Variants in RASAL2 observed in about 807,000 individuals in gnomAD.
RASAL2 encodes ras GTPase-activating protein nGAP.
A neutral mutation model predicts 128.9 loss-of-function variants in RASAL2; 58 were observed. That is an observed-to-expected ratio of 0.45 (90% CI 0.36 to 0.56). The LOEUF (loss-of-function observed/expected upper bound fraction) is 0.56, where lower values mean the gene tolerates loss of function less well. RASAL2 is among the 20% of genes least tolerant of loss of function. RASAL2 has a pLI of 0.00. For missense variants in RASAL2, 1,360 were observed against 1,601.6 expected (o/e 0.85, Z 2.57); for synonymous variants, 561 against 580.8 (o/e 0.97, Z 0.49).
intron 3 of RASAL2, among the ~76,000 whole-genome samples, chr1:178,377,853 G>A (rs1226603989): frequency 2.0e-5 from 3 of 151,984 alleles, no homozygotes; most frequent in Non-Finnish European, 4.4e-5. Context: ...TAGAAATCGT[G>A]ATTAACTTTA....
chr1:178,371,731 T>C (rs1671730501), intron 3 of RASAL2, among the ~76,000 whole-genome samples: 1 of 152,194 alleles, frequency 6.6e-6, no homozygotes, highest in Non-Finnish European at 1.5e-5. Context: ...TTTGAAAACC[T>C]TTCTCCTCAA....
chr1:178,271,231 C>T (rs1249388759), intron 1 of RASAL2, among the ~76,000 whole-genome samples: 1 of 152,148 alleles, frequency 6.6e-6, no homozygotes, highest in African/African-American at 2.4e-5. Context: ...CTTAGCTTTT[C>T]TCATTCTTAA....
intron 4 of RASAL2, among the ~76,000 whole-genome samples, chr1:178,410,425 A>C (rs1674287380): frequency 6.6e-6 from 1 of 152,188 alleles, no homozygotes; most frequent in African/African-American, 2.4e-5. Context: ...GAATTCTAGA[A>C]GATAACATCG....
In RASAL2 at chr1:178,466,084, G is replaced by A. The variant is rs1314243997; in HGVS notation, c.3552G>A (p.Gln1184=). ...GCGAGGAGCGGCTCCGAAGACAGCAGGAAGAAAAAGATAGCCAGATGAAAA... is the reference window on the plus strand; with the variant it reads ...GCGAGGAGCGGCTCCGAAGACAGCAAGAAGAAAAAGATAGCCAGATGAAAA... ...EDSEERLRRQ[Q]EEKDSQMKSI... is the part of the protein sequence containing the mutation. Residue 1184 remains glutamine (Q), a synonymous_variant, in exon 16 of 18, where the codon CAG becomes CAA. Coordinates refer to ENST00000367649, the MANE Select transcript of RASAL2 (RefSeq NM_170692.4). 6.3e-7 allele frequency: 1 copy of A among 1,576,188 alleles called. No homozygotes were observed. The highest frequency in any genetic ancestry group is 8.6e-7 in the Non-Finnish European group (1 of 1,159,662).
At chr1:178,416,695 A>G (rs1360901870) in intron 4 of RASAL2, among the ~76,000 whole-genome samples, 1 of 151,838 alleles carries the variant, frequency 6.6e-6, no homozygotes, top group East Asian at 1.9e-4. Context: ...AGAAAGCTTT[A>G]TTTCACCTTC....
chr1:178,349,089 G>A (rs1045634208), intron 3 of RASAL2, among the ~76,000 whole-genome samples: 4 of 150,812 alleles, frequency 2.7e-5, no homozygotes, highest in African/African-American at 4.9e-5. Context: ...CTGAGCCACC[G>A]CGCCCGGCCC....
intron 1 of RASAL2, among the ~76,000 whole-genome samples, chr1:178,130,808 A>G (rs1050457949): frequency 1.3e-5 from 2 of 152,312 alleles, no homozygotes; most frequent in South Asian, 2.1e-4. Flanking sequence ...TAATCCCAGC[A>G]CTTTGGGAGG....
At chr1:178,433,930 G>A (rs1676089851) in intron 5 of RASAL2, among the ~76,000 whole-genome samples, 1 of 151,454 alleles carries the variant, frequency 6.6e-6, no homozygotes, top group Non-Finnish European at 1.5e-5. Context: ...AAAAAAAAAA[G>A]TCAGTGTTAT....
chr1:178,187,522 G>C (rs912676390), intron 1 of RASAL2, among the ~76,000 whole-genome samples: 2 of 151,768 alleles, frequency 1.3e-5, no homozygotes, highest in African/African-American at 4.8e-5. Flanking sequence ...TCTTTTTTCT[G>C]GTTGAAGTTC....
chr1:178,470,197 C>T lies in RASAL2; in HGVS notation c.3678+2776C>T, dbSNP rs74129205. 5.8e-3 allele frequency among the ~76,000 whole-genome samples: 886 copies of T among 152,256 alleles called. 12 individuals are homozygous for T. The highest frequency in any genetic ancestry group is 0.02 in the African/African-American group (815 of 41,540). On this transcript the variant is annotated intron_variant, in intron 17 of 17. Transcript: ENST00000367649. ...CTGGCATCATTTAATAGAATGAAGA[C>T]GTGTTTGGGGTGAAAGCTTCCCAGA...
chr1:178,118,866 T>TTG (rs1558063398), intron 1 of RASAL2, among the ~76,000 whole-genome samples: 2 of 151,648 alleles, frequency 1.3e-5, no homozygotes, highest in Admixed American at 6.6e-5. Context: ...GTTTTTTTTT[T>TTG]TTTGTTTGTT....
chr1:178,199,881 C>T (rs781617564), intron 1 of RASAL2, among the ~76,000 whole-genome samples: 2 of 152,182 alleles, frequency 1.3e-5, no homozygotes, highest in Non-Finnish European at 2.9e-5. Flanking sequence ...ATCTAATCAG[C>T]TGCCAGCGTG....
chr1:178,391,933 T>C (rs12067548), intron 4 of RASAL2, among the ~76,000 whole-genome samples: 5,828 of 152,234 alleles, frequency 0.038, 363 homozygotes, highest in African/African-American at 0.13. Context: ...AAAATTATAG[T>C]AGTGGACTCT....
chr1:178,310,429 T>C (rs1668185010), intron 3 of RASAL2, among the ~76,000 whole-genome samples: 1 of 152,188 alleles, frequency 6.6e-6, no homozygotes, highest in African/African-American at 2.4e-5. Context: ...TGATTTTCTT[T>C]TGGAAGTAGT....
At chr1:178,120,622 A>T (rs1659683020) in intron 1 of RASAL2, among the ~76,000 whole-genome samples, 1 of 152,134 alleles carries the variant, frequency 6.6e-6, no homozygotes, top group African/African-American at 2.4e-5. Context: ...CCACTTACTG[A>T]TAGGGTTTTG....
intron 3 of RASAL2, among the ~76,000 whole-genome samples, chr1:178,351,548 A>G (rs190984624): frequency 2.0e-5 from 3 of 151,986 alleles, no homozygotes; most frequent in Admixed American, 6.6e-5. Context: ...TGGCTAACAC[A>G]GTGAAACCCC....
At chr1:178,368,419 A>T (rs1671521769) in intron 3 of RASAL2, among the ~76,000 whole-genome samples, 1 of 152,206 alleles carries the variant, frequency 6.6e-6, no homozygotes, top group Non-Finnish European at 1.5e-5. Context: ...ATATGCATAT[A>T]TACAGACATG....
intron 1 of RASAL2, among the ~76,000 whole-genome samples, chr1:178,276,063 G>T (rs913985889): frequency 3.9e-5 from 6 of 152,152 alleles, no homozygotes; most frequent in African/African-American, 1.4e-4. Context: ...CATATTGAAT[G>T]ATTACTTAGT....
chr1:178,139,379 TATTC>T (rs1660448804), intron 1 of RASAL2, among the ~76,000 whole-genome samples: 1 of 152,116 alleles, frequency 6.6e-6, no homozygotes, highest in African/African-American at 2.4e-5. Context: ...GTGTTATAAT[TATTC>T]ATTATCTGAT....
Sources: gnomAD v4.1 joint callset for allele counts (sites outside exome capture counted in the v4.1 genomes callset) on GRCh38, gnomAD v4.1.1 for gene constraint, MANE v1.5 for transcripts, NCBI Gene and HGNC (gene_info 2026-07-23, HGNC 2026-07-21) for gene names.